Variants in EXOC6B observed in about 807,000 individuals in gnomAD.
EXOC6B encodes exocyst complex component 6B, also known as SEC15 homolog B.
EXOC6B carries 54 observed loss-of-function variants against 113.5 expected under a neutral mutation model. The ratio of observed to expected loss-of-function variants is 0.48; its 90% CI spans 0.38 to 0.60. The LOEUF (loss-of-function observed/expected upper bound fraction) is 0.60, where lower values mean the gene tolerates loss of function less well. Ranked by LOEUF, EXOC6B falls within the 20% of genes least tolerant of loss-of-function variation. The pLI is 0.00. For synonymous variants in EXOC6B, 357 were observed against 339.0 expected (o/e 1.05, Z -0.58); for missense variants, 797 against 977.5 (o/e 0.82, Z 2.46).
At chr2:72,582,114 C>G (rs1446892) in intron 6 of EXOC6B, among the ~76,000 whole-genome samples, 133,827 of 151,944 alleles carry the variant, frequency 0.88, 59,038 homozygotes, top group East Asian at 0.99. Context: ...AAGACCCTGC[C>G]CAACATTCTC....
intron 1 of EXOC6B, among the ~76,000 whole-genome samples, chr2:72,774,574 A>C (rs1211904548): frequency 6.6e-6 from 1 of 152,180 alleles, no homozygotes; most frequent in Non-Finnish European, 1.5e-5. Context: ...ACCCTAGAGA[A>C]ATGTTAACTT....
intron 6 of EXOC6B, among the ~76,000 whole-genome samples, chr2:72,661,494 C>G (rs1241093261): frequency 2.7e-5 from 4 of 150,454 alleles, no homozygotes; most frequent in Non-Finnish European, 5.9e-5. Context: ...CAATTTAAAA[C>G]CAAAAAATTC....
intron 1 of EXOC6B, among the ~76,000 whole-genome samples, chr2:72,809,758 C>G (rs1413713796): frequency 1.3e-5 from 2 of 152,042 alleles, no homozygotes; most frequent in African/African-American, 4.8e-5. Context: ...ACGGATAAAT[C>G]TGAAATAAGA....
intron 6 of EXOC6B, among the ~76,000 whole-genome samples, chr2:72,708,802 T>A (rs1053535823): frequency 6.6e-6 from 1 of 151,534 alleles, no homozygotes; most frequent in African/African-American, 2.4e-5. Context: ...CAATCACAGC[T>A]CACTGCAGCC....
At chr2:72,768,625 T>C (rs1683244521) in intron 1 of EXOC6B, among the ~76,000 whole-genome samples, 1 of 151,506 alleles carries the variant, frequency 6.6e-6, no homozygotes, top group African/African-American at 2.4e-5. Context: ...TTTTTTTTTT[T>C]TAAGTAAATA....
At chr2:72,557,138 C>T (rs1703592240) in intron 8 of EXOC6B, among the ~76,000 whole-genome samples, 2 of 151,330 alleles carry the variant, frequency 1.3e-5, no homozygotes, top group Non-Finnish European at 2.9e-5. Context: ...AAAGCACATA[C>T]ATATACAAAT....
At chr2:72,492,019 A>G (rs1699767984) in intron 16 of EXOC6B, among the ~76,000 whole-genome samples, 1 of 152,188 alleles carries the variant, frequency 6.6e-6, no homozygotes, top group Non-Finnish European at 1.5e-5. Context: ...ATATTCTACA[A>G]ACAAAAATAT....
chr2:72,637,711 G>A (rs1224523004), intron 6 of EXOC6B, among the ~76,000 whole-genome samples: 1 of 151,602 alleles, frequency 6.6e-6, no homozygotes, highest in Non-Finnish European at 1.5e-5. Context: ...GATAGCTTGA[G>A]CCCAGGAGGT....
chr2:72,380,805 GTCT>G (rs1291388463), intron 18 of EXOC6B, among the ~76,000 whole-genome samples: 9 of 152,132 alleles, frequency 5.9e-5, no homozygotes, highest in Non-Finnish European at 1.0e-4. Flanking sequence ...ATATTTTAGT[GTCT>G]TCTTTAAAAG....
chr2:72,376,034 C>A (rs1245362453), intron 19 of EXOC6B, among the ~76,000 whole-genome samples: 2 of 152,080 alleles, frequency 1.3e-5, no homozygotes, highest in South Asian at 2.1e-4. Flanking sequence ...TGGTTACAAT[C>A]AACTCACAAG....
chr2:72,480,510 C>T (rs575424211), intron 17 of EXOC6B, 106 bp downstream of exon 17: 1 of 1,045,120 alleles, frequency 9.6e-7, no homozygotes, highest in Non-Finnish European at 1.3e-6. Flanking sequence ...CACTCATTCT[C>T]AAGAGCATGT....
chr2:72,409,386 C>T (rs375851550), intron 18 of EXOC6B, among the ~76,000 whole-genome samples: 6 of 152,094 alleles, frequency 3.9e-5, no homozygotes, highest in African/African-American at 9.7e-5. Flanking sequence ...CAAAGGATTA[C>T]AAATCATGCT....
chr2:72,489,350 T>C (rs1179986578), intron 16 of EXOC6B, among the ~76,000 whole-genome samples: 1 of 152,166 alleles, frequency 6.6e-6, no homozygotes, highest in Non-Finnish European at 1.5e-5. Context: ...TAATAGAGAG[T>C]ACATATTTTA....
At chr2:72,547,911 A>T (rs955561618) in intron 8 of EXOC6B, among the ~76,000 whole-genome samples, 3 of 152,194 alleles carry the variant, frequency 2.0e-5, no homozygotes, top group African/African-American at 4.8e-5. Context: ...CATATTTTTC[A>T]ATTACTATAA....
intron 8 of EXOC6B, among the ~76,000 whole-genome samples, chr2:72,549,164 A>G (rs1469301990): frequency 6.6e-6 from 1 of 152,190 alleles, no homozygotes; most frequent in African/African-American, 2.4e-5. Flanking sequence ...TATGGATGAT[A>G]AGACATGGAA....
intron 11 of EXOC6B, among the ~76,000 whole-genome samples, chr2:72,505,415 A>G (rs1302896901): frequency 6.6e-6 from 1 of 152,176 alleles, no homozygotes; most frequent in Non-Finnish European, 1.5e-5. Flanking sequence ...TTGAAGGTCC[A>G]TTATCTATCC....
At chr2:72,708,160 A>G (rs1311348252) in intron 6 of EXOC6B, among the ~76,000 whole-genome samples, 1 of 152,182 alleles carries the variant, frequency 6.6e-6, no homozygotes, top group Non-Finnish European at 1.5e-5. Flanking sequence ...TATGGAAAAA[A>G]TCAAGTTCCC....
At chr2:72,347,211 C>T (rs1258158996) in intron 19 of EXOC6B, among the ~76,000 whole-genome samples, 1 of 152,112 alleles carries the variant, frequency 6.6e-6, no homozygotes, top group East Asian at 1.9e-4. Flanking sequence ...AACAAGGCCT[C>T]TCCCAGTTGG....
intron 1 of EXOC6B, among the ~76,000 whole-genome samples, chr2:72,759,016 C>A (rs1314325278): frequency 1.3e-5 from 2 of 152,184 alleles, no homozygotes; most frequent in Non-Finnish European, 2.9e-5. Flanking sequence ...TTAAGTGTAA[C>A]AACAAAGGCA....
Sources: allele counts gnomAD v4.1 joint callset (sites outside exome capture counted in the v4.1 genomes callset), GRCh38; gene constraint gnomAD v4.1.1; transcripts MANE v1.5; gene names NCBI Gene and HGNC (gene_info 2026-07-23, HGNC 2026-07-21).